The following MCOLN2 variants were observed in gnomAD, a reference collection of about 807,000 sequenced individuals.
MCOLN2 encodes the protein mucolipin-2.
MCOLN2 carries 57 observed loss-of-function variants against 67.5 expected under a neutral mutation model. The ratio of observed to expected loss-of-function variants is 0.84; its 90% CI spans 0.68 to 1.05. MCOLN2 has a LOEUF of 1.05. MCOLN2 is among the 50% of genes least tolerant of loss of function. MCOLN2 has a pLI of 0.00. For missense variants in MCOLN2, 620 were observed against 678.8 expected, an observed-to-expected ratio of 0.91 and a Z score of 0.96; for synonymous variants, 246 against 233.3, an observed-to-expected ratio of 1.05 and a Z score of -0.50.
At position 84,940,876 on chromosome 1, in the gene MCOLN2, T is replaced by TA. The variant is rs758414915; in HGVS notation, c.960+2dup. 7.5e-6 allele frequency: 12 copies of TA among 1,604,526 alleles called. No homozygotes were observed. Among genetic ancestry groups the TA allele is most frequent in the Non-Finnish European group, 8.5e-6 (10 of 1,173,016 alleles). On this transcript the variant is annotated splice_region_variant and intron_variant, in intron 8 of 13. Transcript: ENST00000370608. ...CAGGAAGAGAATGCGAACACACTCT[T>TA]ACCTTCCGTAACCTTAGAGCAAGAA... is the stretch of plus-strand genomic sequence containing the variant.
At chr1:84,981,232 G>A (rs1650239315) in intron 1 of MCOLN2, among the ~76,000 whole-genome samples, 2 of 152,182 alleles carry the variant, frequency 1.3e-5, no homozygotes, top group Admixed American at 1.3e-4. Context: ...CAACCACTAT[G>A]GAGAACAGTT....
intron 4 of MCOLN2, among the ~76,000 whole-genome samples, chr1:84,954,364 T>C (rs964377384): frequency 9.8e-5 from 15 of 152,286 alleles, no homozygotes; most frequent in East Asian, 3.9e-4. Flanking sequence ...GTGAGGGAAG[T>C]TGGTCAAAAG....
At chr1:84,993,248 C>T (rs1455709705) in intron 1 of MCOLN2, among the ~76,000 whole-genome samples, 1 of 152,256 alleles carries the variant, frequency 6.6e-6, no homozygotes, top group Non-Finnish European at 1.5e-5. Context: ...AATTCTGTCA[C>T]ATCTTCAGGC....
At chr1:84,971,770 G>A (rs1649702331) in intron 1 of MCOLN2, among the ~76,000 whole-genome samples, 1 of 152,124 alleles carries the variant, frequency 6.6e-6, no homozygotes, top group African/African-American at 2.4e-5. Context: ...CCAAGAATTA[G>A]GTCAGCAGAG....
intron 4 of MCOLN2, 55 bp from the exon 5 acceptor site, chr1:84,952,585 A>T: frequency 2.7e-6 from 3 of 1,104,844 alleles, no homozygotes; most frequent in Non-Finnish European, 4.2e-6. Context: ...TAGGTGCTAA[A>T]ACTAATGGGT....
intron 1 of MCOLN2, among the ~76,000 whole-genome samples, chr1:84,979,901 G>A (rs1650171033): frequency 6.6e-6 from 1 of 152,120 alleles, no homozygotes; most frequent in Non-Finnish European, 1.5e-5. Context: ...GTTTGTAGAT[G>A]AGATGATCTT....
At chr1:84,942,859 C>T (rs553701176) in intron 7 of MCOLN2, among the ~76,000 whole-genome samples, 3 of 152,228 alleles carry the variant, frequency 2.0e-5, no homozygotes, top group Non-Finnish European at 2.9e-5. Context: ...ACCCCCCTTA[C>T]CATGTGATGC....
intron 11 of MCOLN2, among the ~76,000 whole-genome samples, chr1:84,932,886 G>C (rs900152100): frequency 2.0e-5 from 3 of 152,174 alleles, no homozygotes; most frequent in African/African-American, 7.2e-5. Context: ...TGTACTTTAA[G>C]AAGAAGGCTT....
chr1:84,951,179 C>T (rs1301314223), intron 6 of MCOLN2, among the ~76,000 whole-genome samples: 2 of 152,132 alleles, frequency 1.3e-5, no homozygotes, highest in East Asian at 3.8e-4. Context: ...TTTCTGTTTC[C>T]CCTACTAGGC....
intron 1 of MCOLN2, among the ~76,000 whole-genome samples, chr1:84,982,866 C>A (rs1190502655): frequency 1.3e-5 from 2 of 152,012 alleles, no homozygotes; most frequent in African/African-American, 4.8e-5. Context: ...CCATGCCCGG[C>A]TAATTTTTTA....
chr1:84,984,393 A>G (rs1003506266), intron 1 of MCOLN2, among the ~76,000 whole-genome samples: 4 of 120,102 alleles, frequency 3.3e-5, no homozygotes, highest in East Asian at 3.3e-4. Flanking sequence ...AGAGACATCA[A>G]TGCTTTTGCA....
At chr1:84,966,922 T>C (rs1437036530) in intron 1 of MCOLN2, among the ~76,000 whole-genome samples, 1 of 152,200 alleles carries the variant, frequency 6.6e-6, no homozygotes, top group Non-Finnish European at 1.5e-5. Context: ...TAGTACAACA[T>C]AGAATATACA....
At position 84,987,515 on chromosome 1, in the gene MCOLN2, T is replaced by C. The variant is rs1244148949; in HGVS notation, c.77+9281A>G. On this transcript the variant is annotated intron_variant, in intron 1 of 13. Coordinates refer to ENST00000370608, the MANE Select transcript of MCOLN2 (RefSeq NM_153259.4). ...ATATGTATACATAGATGTATACATA[T>C]GTATATATGTATACATCTATGTATA... 3.1e-4 allele frequency among the ~76,000 whole-genome samples: 9 copies of C among 29,194 alleles called. 1 individual carries two copies. The highest frequency in any genetic ancestry group is 5.6e-4 in the Non-Finnish European group (8 of 14,270). The allele number at this position is 29,194 out of a possible 152,430, so 19.2% of individuals were successfully genotyped here.
chr1:84,987,455 CAT>C (rs1201682401), intron 1 of MCOLN2, among the ~76,000 whole-genome samples: 17 of 97,450 alleles, frequency 1.7e-4, no homozygotes, highest in Non-Finnish European at 2.9e-4. Context: ...TACATATATA[CAT>C]ATATGTATAT....
rs374009940 is a variant in MCOLN2, at chr1:84,940,931, G to A, written c.908C>T (p.Ala303Val). The change falls in exon 8 of 14, where the codon GCA (alanine) becomes GTA (valine). Residue 303 changes from alanine to valine, a missense_variant. Ala to Val is a moderately conservative substitution (Grantham distance 64). Transcript: ENST00000370608. ...FDAFVIVICL[A>V]SLILCTRSIV... ...GGATCTTGTACACAGAATAAGAGAT[G>A]CCAAGCAAATCACAATGACAAATGC... 3 of 1,613,744 alleles carry A rather than the reference G, an allele frequency of 1.9e-6. No individual in the cohort carries two copies. Among genetic ancestry groups the A allele is most frequent in the Admixed American group, 3.3e-5 (2 of 60,004 alleles).
At chr1:84,964,459 A>G (rs568351662) in intron 2 of MCOLN2, among the ~76,000 whole-genome samples, 1 of 129,968 alleles carries the variant, frequency 7.7e-6, no homozygotes, top group African/African-American at 2.9e-5. Flanking sequence ...ATGATCCCCA[A>G]CCTTGTTGGC....
Position 84,959,591 on chromosome 1 carries a change from C to A in MCOLN2, c.238-889G>T, listed in dbSNP as rs576816872. 5.8e-4 allele frequency among the ~76,000 whole-genome samples: 89 copies of A among 152,256 alleles called. 1 individual carries two copies. Among genetic ancestry groups the A allele is most frequent in the African/African-American group, 2.1e-3 (86 of 41,560 alleles). On this transcript the variant is annotated intron_variant, in intron 2 of 13. Coordinates refer to ENST00000370608, the MANE Select transcript of MCOLN2 (RefSeq NM_153259.4). ...CACATTCACACTCTCTCACGTGCGT[C>A]CTCTCTGTCTCTCTCACATACATAC...
chr1:84,973,216 T>C (rs377632052), intron 1 of MCOLN2, among the ~76,000 whole-genome samples: 4 of 152,146 alleles, frequency 2.6e-5, no homozygotes, highest in African/African-American at 9.7e-5. Context: ...GTGGCTCATG[T>C]CTGTAATCTC....
intron 11 of MCOLN2, among the ~76,000 whole-genome samples, chr1:84,933,005 C>A (rs1234873382): frequency 6.6e-6 from 1 of 152,198 alleles, no homozygotes; most frequent in African/African-American, 2.4e-5. Flanking sequence ...ATCACATCTC[C>A]TCCTTGACAG....
Sources: allele counts gnomAD v4.1 joint callset (sites outside exome capture counted in the v4.1 genomes callset), GRCh38; gene constraint gnomAD v4.1.1; transcripts MANE v1.5; gene names NCBI Gene and HGNC (gene_info 2026-07-23, HGNC 2026-07-21).